The following CNOT6L variants were observed in gnomAD, a reference collection of about 807,000 sequenced individuals.
CNOT6L encodes CCR4-NOT transcription complex subunit 6-like.
CNOT6L carries 7 observed loss-of-function variants against 64.0 expected under a neutral mutation model. The ratio of observed to expected loss-of-function variants is 0.11; its 90% CI spans 0.06 to 0.21. The LOEUF (loss-of-function observed/expected upper bound fraction) is 0.21, where lower values mean the gene tolerates loss of function less well. Ranked by LOEUF, CNOT6L falls within the 10% of genes least tolerant of loss-of-function variation. The probability of loss-of-function intolerance (pLI) is 1.00; values close to 1 mark genes in which losing one functional copy is unlikely to be tolerated. For synonymous variants in CNOT6L, 193 were observed against 243.4 expected (o/e 0.79, Z 1.93); for missense variants, 245 against 669.0 (o/e 0.37, Z 6.99).
intron 1 of CNOT6L, among the ~76,000 whole-genome samples, chr4:77,798,493 T>C (rs528658856): frequency 3.9e-4 from 59 of 152,234 alleles, no homozygotes; most frequent in African/African-American, 1.3e-3. Flanking sequence ...GATATATTGA[T>C]GGTAAAAAAG....
chr4:77,810,241 G>A lies in CNOT6L; in HGVS notation c.5+9063C>T, dbSNP rs576434800. Among the ~76,000 whole-genome samples, 3 of 151,940 alleles carry A rather than the reference G, an allele frequency of 2.0e-5. No individual in the cohort carries two copies. The South Asian group carries it at 6.2e-4, about 32-fold the overall frequency. ...TATCTGATCAGAATGTGGATGCATG[G>A]GAACACAATTAAAATTTCAAAAAGT... On this transcript the variant is annotated intron_variant, in intron 1 of 11. Coordinates refer to ENST00000504123, the MANE Select transcript of CNOT6L (RefSeq NM_144571.3).
chr4:77,791,201 G>A (rs557953030), intron 1 of CNOT6L, among the ~76,000 whole-genome samples: 13 of 152,146 alleles, frequency 8.5e-5, no homozygotes, highest in East Asian at 3.9e-4. Context: ...TCACAAACCC[G>A]GGAAGTGGGA....
intron 7 of CNOT6L, among the ~76,000 whole-genome samples, chr4:77,743,697 G>A (rs552967048): frequency 7.1e-6 from 1 of 140,276 alleles, no homozygotes; most frequent in East Asian, 2.3e-4. Context: ...TGCTTCCTGG[G>A]TTCAAGCAAT....
chr4:77,812,449 A>AAG (rs1733064679), intron 1 of CNOT6L, among the ~76,000 whole-genome samples: 1 of 147,930 alleles, frequency 6.8e-6, no homozygotes, highest in African/African-American at 2.5e-5. Context: ...AAAAAAAAAG[A>AAG]AAAAAAAAAC....
At chr4:77,731,294 A>G in intron 9 of CNOT6L, 93 bp downstream of exon 9, 1 of 1,240,910 alleles carries the variant, frequency 8.1e-7, no homozygotes, top group Non-Finnish European at 1.1e-6. Context: ...TAACTTTGCA[A>G]TAAATAACGG....
At chr4:77,813,920 C>T (rs1294242888) in intron 1 of CNOT6L, among the ~76,000 whole-genome samples, 1 of 152,088 alleles carries the variant, frequency 6.6e-6, no homozygotes, top group Non-Finnish European at 1.5e-5. Flanking sequence ...GAATTCAAAA[C>T]ATACATACAT....
chr4:77,787,033 A>G (rs1204503154), intron 1 of CNOT6L, among the ~76,000 whole-genome samples: 1 of 151,566 alleles, frequency 6.6e-6, no homozygotes, highest in Non-Finnish European at 1.5e-5. Flanking sequence ...TGGGAGGCCA[A>G]GGTGGGCGGA....
At chr4:77,731,287 C>A in intron 9 of CNOT6L, 100 bp downstream of exon 9, 1 of 1,088,862 alleles carries the variant, frequency 9.2e-7, no homozygotes, top group South Asian at 1.5e-5. Flanking sequence ...AAGAAAATAA[C>A]TTTGCAATAA....
At chr4:77,740,674 A>G (rs1009350774) in intron 8 of CNOT6L, among the ~76,000 whole-genome samples, 3 of 152,214 alleles carry the variant, frequency 2.0e-5, no homozygotes, top group Non-Finnish European at 4.4e-5. Context: ...GACAGATGGC[A>G]AACACTCTGG....
chr4:77,720,695 A>G lies in CNOT6L; in HGVS notation c.1456-52T>C. The G allele has an allele frequency of 3.8e-6, 6 of 1,581,324 alleles. No homozygotes were observed. In the South Asian group the frequency reaches 6.8e-5, roughly 18 times the overall value. On this transcript the variant is annotated intron_variant, in intron 11 of 11. Coordinates refer to ENST00000504123, the MANE Select transcript of CNOT6L (RefSeq NM_144571.3). ...AAAGAAAAATTCAAGATATATAAAG[A>G]ACAATCCATAATTTATAAAAACCAA... is the stretch of plus-strand genomic sequence containing the variant.
chr4:77,750,430 C>A (rs1724729746), intron 5 of CNOT6L, among the ~76,000 whole-genome samples: 1 of 152,168 alleles, frequency 6.6e-6, no homozygotes, highest in African/African-American at 2.4e-5. Flanking sequence ...CAGCTCACTG[C>A]AAGTTCCGCC....
chr4:77,732,586 G>GT (rs1189314134), intron 8 of CNOT6L, among the ~76,000 whole-genome samples: 2 of 151,998 alleles, frequency 1.3e-5, no homozygotes, highest in Admixed American at 1.3e-4. Flanking sequence ...AATTCTGAAC[G>GT]TGTCAGCTGG....
intron 11 of CNOT6L, among the ~76,000 whole-genome samples, chr4:77,723,876 T>C (rs1000727433): frequency 2.6e-5 from 4 of 152,314 alleles, no homozygotes; most frequent in African/African-American, 9.6e-5. Flanking sequence ...TAAATAATTT[T>C]AAACCAATTC....
rs183552571 is a variant in CNOT6L at position 77,773,377 on chromosome 4, A to T, written c.315-211T>A. On this transcript the variant is annotated intron_variant, in intron 3 of 11. Transcript: ENST00000504123. ...TATTAACAATGGTTCTATTTCTAGG[A>T]TTTACTCATTTGCTAGCTCACATTA... Among the ~76,000 whole-genome samples the T allele has an allele frequency of 1.8e-4, 28 of 152,272 alleles. No individual in the cohort carries two copies. The Middle Eastern group carries it at 0.01, about 55-fold the overall frequency.
intron 8 of CNOT6L, 67 bp downstream of exon 8, chr4:77,742,074 A>T: frequency 7.0e-7 from 1 of 1,435,478 alleles, no homozygotes; most frequent in Non-Finnish European, 9.4e-7. Flanking sequence ...AAAACCAAAG[A>T]CAATTTTAAA....
At chr4:77,738,753 CAA>C (rs33932934) in intron 8 of CNOT6L, among the ~76,000 whole-genome samples, 14 of 114,168 alleles carry the variant, frequency 1.2e-4, no homozygotes, top group South Asian at 2.9e-4. Flanking sequence ...AACTCCGTCT[CAA>C]AAAAAAAAAA....
intron 1 of CNOT6L, among the ~76,000 whole-genome samples, chr4:77,818,382 C>A (rs62302716): frequency 6.6e-6 from 1 of 152,164 alleles, no homozygotes; most frequent in East Asian, 1.9e-4. Flanking sequence ...TCCATCCAAT[C>A]CCACAGGCCA....
intron 1 of CNOT6L, among the ~76,000 whole-genome samples, chr4:77,809,923 A>G (rs1369945212): frequency 2.0e-5 from 3 of 152,276 alleles, no homozygotes; most frequent in South Asian, 2.1e-4. Flanking sequence ...AATGAAAACA[A>G]TATTTGAAAG....
chr4:77,720,662 T>C lies in CNOT6L; in HGVS notation c.1456-19A>G. ...TCACGCCCTGGAAAGAGATTGGGAA[T>C]AGGAAAAAAAGAAAAATTCAAGATA... On this transcript the variant is annotated intron_variant, in intron 11 of 11. Coordinates refer to ENST00000504123, the MANE Select transcript of CNOT6L (RefSeq NM_144571.3). 6.2e-7 allele frequency: 1 copy of C among 1,609,672 alleles called. No homozygotes were observed. Among genetic ancestry groups the C allele is most frequent in the Non-Finnish European group, 8.5e-7 (1 of 1,177,884 alleles).
Sources: gnomAD v4.1 joint callset for allele counts (sites outside exome capture counted in the v4.1 genomes callset) on GRCh38, gnomAD v4.1.1 for gene constraint, MANE v1.5 for transcripts, NCBI Gene and HGNC (gene_info 2026-07-23, HGNC 2026-07-21) for gene names.